RHOA: variants seen among roughly 807,000 people sequenced by gnomAD.
RHOA encodes the protein transforming protein RhoA.
RHOA carries 3 observed loss-of-function variants against 17.5 expected under a neutral mutation model. The ratio of observed to expected loss-of-function variants is 0.17; its 90% confidence interval spans 0.08 to 0.44. The LOEUF is 0.44. Ranked by LOEUF, RHOA falls within the 20% of genes least tolerant of loss-of-function variation. The probability of loss-of-function intolerance (pLI) is 0.99; values close to 1 mark genes in which losing one functional copy is unlikely to be tolerated. For missense variants in RHOA, 56 were observed against 242.3 expected, an observed-to-expected ratio of 0.23 and a Z score of 5.10; for synonymous variants, 98 against 88.4, an observed-to-expected ratio of 1.11 and a Z score of -0.61.
At chr3:49,399,314 G>A (rs574638691) in intron 1 of RHOA, among the ~76,000 whole-genome samples, 5 of 151,154 alleles carry the variant, frequency 3.3e-5, no homozygotes, top group Non-Finnish European at 5.9e-5. Context: ...AGCTTGCAGT[G>A]AGCCGAGATC....
At position 49,359,169 on chromosome 3, in the gene RHOA, TAG is replaced by T. The variant is rs2047912566; in HGVS notation, c.*1038_*1039del. 5.5e-6 allele frequency: 1 copy of T among 182,724 alleles called. No homozygotes were observed. 11.3% of individuals were successfully genotyped at this position (182,724 alleles called of 1,614,324 possible). ...GTTTAGAAAACTGCCTTTATTCTAT[TAG>T]TAGTTGGAAAAATTAACTGGTACAG... On this transcript the variant is annotated 3_prime_UTR_variant, in exon 5 of 5. Coordinates refer to ENST00000418115, the MANE Select transcript of RHOA (RefSeq NM_001664.4).
chr3:49,397,774 G>C (rs1439407663), intron 1 of RHOA, among the ~76,000 whole-genome samples: 1 of 152,092 alleles, frequency 6.6e-6, no homozygotes, highest in African/African-American at 2.4e-5. Context: ...GCTGACCTTA[G>C]ATAGAACAAT....
intron 3 of RHOA, 115 bp downstream of exon 3, chr3:49,368,313 G>A (rs2048091982): frequency 7.5e-7 from 1 of 1,339,792 alleles, no homozygotes; most frequent in East Asian, 2.3e-5. Flanking sequence ...TCCGGCCACT[G>A]ACGATGATTG....
At chr3:49,389,174 T>G (rs917897827) in intron 1 of RHOA, among the ~76,000 whole-genome samples, 7 of 150,900 alleles carry the variant, frequency 4.6e-5, no homozygotes, top group African/African-American at 1.7e-4. Flanking sequence ...AAACCCCATC[T>G]CTACAAAAAT....
intron 1 of RHOA, among the ~76,000 whole-genome samples, chr3:49,393,561 G>A (rs1237773002): frequency 6.8e-6 from 1 of 146,782 alleles, no homozygotes; most frequent in Admixed American, 6.9e-5. Flanking sequence ...GCCTCCCAAA[G>A]TGCTCAGATT....
At chr3:49,411,617 TC>T (rs2048938063) in intron 1 of RHOA, among the ~76,000 whole-genome samples, 1 of 151,560 alleles carries the variant, frequency 6.6e-6, no homozygotes, top group South Asian at 2.1e-4. Context: ...CGGGCGCGCT[TC>T]CGGGGACTGC....
intron 1 of RHOA, among the ~76,000 whole-genome samples, chr3:49,405,823 T>A (rs765941793): frequency 4.6e-5 from 7 of 152,144 alleles, no homozygotes; most frequent in African/African-American, 7.2e-5. Context: ...TAGCTGGGAT[T>A]ACAGGCACTC....
chr3:49,394,592 C>T (rs2048580931), intron 1 of RHOA, among the ~76,000 whole-genome samples: 1 of 152,064 alleles, frequency 6.6e-6, no homozygotes, highest in Admixed American at 6.6e-5. Flanking sequence ...CTCAAGTGAT[C>T]TACCTGCCTC....
intron 1 of RHOA, among the ~76,000 whole-genome samples, chr3:49,399,287 G>A (rs989037919): frequency 4.0e-5 from 6 of 151,232 alleles, no homozygotes; most frequent in African/African-American, 1.5e-4. Context: ...AGAGAATGAC[G>A]TGAACCTGGG....
intron 1 of RHOA, among the ~76,000 whole-genome samples, chr3:49,397,098 C>G (rs1193223641): frequency 6.7e-6 from 1 of 148,160 alleles, no homozygotes; most frequent in African/African-American, 2.5e-5. Context: ...ACACTGCACT[C>G]CAGCCTGGGT....
chr3:49,375,309 G>A, intron 2 of RHOA, 125 bp downstream of exon 2: 1 of 882,684 alleles, frequency 1.1e-6, no homozygotes, highest in Non-Finnish European at 1.7e-6. Flanking sequence ...GATGAGAATG[G>A]ATTCTTCTTT....
At chr3:49,401,769 T>C (rs1468181096) in intron 1 of RHOA, among the ~76,000 whole-genome samples, 1 of 152,158 alleles carries the variant, frequency 6.6e-6, no homozygotes, top group Non-Finnish European at 1.5e-5. Flanking sequence ...TCTTCAGATT[T>C]TGGAATATCT....
chr3:49,400,062 A>AT (rs1251545540), intron 1 of RHOA, among the ~76,000 whole-genome samples: 2 of 151,836 alleles, frequency 1.3e-5, no homozygotes, highest in Non-Finnish European at 2.9e-5. Flanking sequence ...ATACAAAAAA[A>AT]TTAGCTGGGC....
intron 4 of RHOA, chr3:49,361,119 G>A (rs551096135): frequency 6.0e-6 from 1 of 167,238 alleles, no homozygotes; most frequent in Admixed American, 6.5e-5. Context: ...CTAAACTTAT[G>A]AAATTTTTAA....
At chr3:49,361,592 C>CT (rs1173386267) in intron 4 of RHOA, among the ~76,000 whole-genome samples, 3 of 152,116 alleles carry the variant, frequency 2.0e-5, no homozygotes, top group African/African-American at 4.8e-5. Context: ...AATCAAGAGT[C>CT]TAACAGGCCC....
At chr3:49,404,657 G>A (rs970016097) in intron 1 of RHOA, among the ~76,000 whole-genome samples, 56 of 147,542 alleles carry the variant, frequency 3.8e-4, no homozygotes, top group Non-Finnish European at 6.1e-4. Context: ...GGCCAGGCAC[G>A]GTGGCTCACG....
intron 1 of RHOA, among the ~76,000 whole-genome samples, chr3:49,390,642 A>G (rs1294041010): frequency 5.3e-5 from 8 of 152,200 alleles, no homozygotes. Flanking sequence ...GAAAATACAG[A>G]TGTAACAAAA....
intron 3 of RHOA, 97 bp downstream of exon 3, chr3:49,368,331 G>T (rs2048092455): frequency 6.9e-7 from 1 of 1,447,770 alleles, no homozygotes; most frequent in African/African-American, 1.4e-5. Flanking sequence ...TTGCTTCTCT[G>T]AAGTTCATGT....
intron 1 of RHOA, among the ~76,000 whole-genome samples, chr3:49,387,399 G>A (rs1453157976): frequency 1.4e-5 from 2 of 144,764 alleles, no homozygotes; most frequent in East Asian, 4.1e-4. Flanking sequence ...AGCCGAGATC[G>A]TGCCATTGCA....
Sources: gnomAD v4.1 joint callset for allele counts (sites outside exome capture counted in the v4.1 genomes callset) on GRCh38, gnomAD v4.1.1 for gene constraint, MANE v1.5 for transcripts, NCBI Gene and HGNC (gene_info 2026-07-23, HGNC 2026-07-21) for gene names.